RAB11FIP3: variants seen among roughly 807,000 people sequenced by gnomAD.
RAB11FIP3 encodes RAB11 family interacting protein 3, also known as rab11 family-interacting protein 3.
In RAB11FIP3, 17 loss-of-function variants were observed where a neutral mutation model predicts 77.8. That is an observed-to-expected ratio of 0.22 (90% confidence interval 0.15 to 0.33). RAB11FIP3 has a LOEUF of 0.33. Among genes scored for constraint, RAB11FIP3 ranks in the 10% least tolerant of loss-of-function variants. The pLI is 1.00. For missense variants in RAB11FIP3, 1,005 were observed against 1,011.2 expected (o/e 0.99, Z 0.08); for synonymous variants, 437 against 448.2 (o/e 0.98, Z 0.31).
At chr16:462,671 TCCCCGGCACCGTCCCTTCCCCAGTC>T (rs1235552875) in intron 2 of RAB11FIP3, among the ~76,000 whole-genome samples, 10 of 146,770 alleles carry the variant, frequency 6.8e-5, no homozygotes, top group East Asian at 5.9e-4. Context: ...CACCGTCCCT[TCCCCGGCACCGTCCCTTCCCCAGTC>T]CCCCGGCACC....
chr16:501,358 C>G (rs1435470285), intron 6 of RAB11FIP3, among the ~76,000 whole-genome samples: 6 of 151,138 alleles, frequency 4.0e-5, no homozygotes, highest in African/African-American at 1.5e-4. Context: ...AGAGGGTCCC[C>G]CCATTTCATA....
At chr16:503,890 C>T (rs2031666020) in intron 7 of RAB11FIP3, among the ~76,000 whole-genome samples, 1 of 151,324 alleles carries the variant, frequency 6.6e-6, no homozygotes, top group Non-Finnish European at 1.5e-5. Flanking sequence ...ACCTTCTGCA[C>T]CCCCTCACCT....
At chr16:493,687 A>G (rs1596274190) in intron 5 of RAB11FIP3, among the ~76,000 whole-genome samples, 1 of 151,842 alleles carries the variant, frequency 6.6e-6, no homozygotes, top group East Asian at 1.9e-4. Flanking sequence ...GCTCACTGCA[A>G]CCTCTGCCTC....
intron 6 of RAB11FIP3, chr16:502,797 C>T: frequency 1.7e-6 from 1 of 581,740 alleles, no homozygotes; most frequent in East Asian, 3.1e-5. Flanking sequence ...CTGCTTTCTC[C>T]CAGCCCCTGG....
At chr16:496,701 G>C (rs2031165885) in intron 5 of RAB11FIP3, 123 bp from the exon 6 acceptor site, 1 of 938,134 alleles carries the variant, frequency 1.1e-6, no homozygotes, top group Non-Finnish European at 1.7e-6. Flanking sequence ...GGGGGGCCCT[G>C]CATGCCGGGA....
Position 515,643 on chromosome 16 carries a change from C to T in RAB11FIP3, c.1641-3300C>T, listed in dbSNP as rs539388172. 1.1e-4 allele frequency among the ~76,000 whole-genome samples: 16 copies of T among 150,294 alleles called. No homozygotes were observed. The South Asian group carries it at 3.2e-3, about 30-fold the overall frequency. On this transcript the variant is annotated intron_variant, in intron 9 of 13. Coordinates refer to ENST00000262305, the MANE Select transcript of RAB11FIP3 (RefSeq NM_014700.4). ...GGGTTCGCATCTCGGAGCAGCCACACGGGCGACACACACCGGTGTTTGCAT... is the reference window on the plus strand; with the variant it reads ...GGGTTCGCATCTCGGAGCAGCCACATGGGCGACACACACCGGTGTTTGCAT...
chr16:446,317 CTA>C (rs1346405046), intron 1 of RAB11FIP3, among the ~76,000 whole-genome samples: 2 of 152,168 alleles, frequency 1.3e-5, no homozygotes, highest in Admixed American at 1.3e-4. Flanking sequence ...AATTGGTTGT[CTA>C]TGTGAAGCAG....
intron 5 of RAB11FIP3, among the ~76,000 whole-genome samples, chr16:492,242 C>T (rs1052000498): frequency 6.6e-5 from 10 of 152,200 alleles, no homozygotes; most frequent in South Asian, 2.1e-4. Context: ...ACAGGGCCCC[C>T]AGCCAGTGCC....
At chr16:445,124 A>AAAAG (rs1555499508) in intron 1 of RAB11FIP3, among the ~76,000 whole-genome samples, 3 of 138,086 alleles carry the variant, frequency 2.2e-5, no homozygotes, top group Non-Finnish European at 3.1e-5. Context: ...AAAAAAAAAA[A>AAAAG]AAAAAAAGAA....
intron 6 of RAB11FIP3, among the ~76,000 whole-genome samples, chr16:498,102 C>T (rs1242693503): frequency 6.6e-6 from 1 of 152,130 alleles, no homozygotes. Flanking sequence ...ATCTTTCCAC[C>T]TCAGCCTCCC....
In RAB11FIP3 at chr16:498,311, C is replaced by A. The variant is rs534745133; in HGVS notation, c.1301+1452C>A. On this transcript the variant is annotated intron_variant, in intron 6 of 13. Coordinates refer to ENST00000262305, the MANE Select transcript of RAB11FIP3 (RefSeq NM_014700.4). ...ACCTCCTCCTCCTGAGGACCTGGGA[C>A]TACAGGTGCGCATTGCCAATGCCTG... Among the ~76,000 whole-genome samples the A allele has an allele frequency of 1.5e-4, 23 of 152,150 alleles. No homozygotes were observed. In the South Asian group the frequency reaches 3.3e-3, roughly 22 times the overall value.
intron 6 of RAB11FIP3, among the ~76,000 whole-genome samples, chr16:498,299 G>C (rs2031287637): frequency 6.6e-6 from 1 of 151,950 alleles, no homozygotes; most frequent in South Asian, 2.1e-4. Context: ...TCCTCCTCCT[G>C]AGGACCTGGG....
intron 5 of RAB11FIP3, among the ~76,000 whole-genome samples, chr16:492,308 T>C (rs1382828537): frequency 1.5e-5 from 2 of 136,822 alleles, no homozygotes; most frequent in Non-Finnish European, 3.1e-5. Context: ...TTCTGGAGCA[T>C]CGGGGGTCTT....
At chr16:515,525 G>A (rs934401574) in intron 9 of RAB11FIP3, among the ~76,000 whole-genome samples, 10 of 149,296 alleles carry the variant, frequency 6.7e-5, no homozygotes, top group Admixed American at 2.0e-4. Flanking sequence ...CCACACGGGC[G>A]ACACGCACCG....
intron 2 of RAB11FIP3, among the ~76,000 whole-genome samples, chr16:468,111 GGGGCCTC>G (rs2055742157): frequency 2.0e-5 from 1 of 49,494 alleles, no homozygotes. Context: ...AGGAGGTGCT[GGGGCCTC>G]AGGGAGGAGG....
rs575539558 is a variant in RAB11FIP3, at chr16:505,894, G to C, written c.1499+267G>C. 1.3e-5 allele frequency among the ~76,000 whole-genome samples: 2 copies of C among 152,152 alleles called. No individual in the cohort carries two copies. Among genetic ancestry groups the C allele is most frequent in the African/African-American group, 4.8e-5 (2 of 41,438 alleles). Reference sequence around the variant, plus strand: ...AGGGCACTGCCTCCCTCTCGGGAGCGCTGAGACCTGACCCACACAGAGGAG... The same window carrying C: ...AGGGCACTGCCTCCCTCTCGGGAGCCCTGAGACCTGACCCACACAGAGGAG... On this transcript the variant is annotated intron_variant, in intron 8 of 13. Coordinates refer to ENST00000262305, the MANE Select transcript of RAB11FIP3 (RefSeq NM_014700.4). This position sits in a 1 kb window ranked among gnomAD's most constrained non-coding sequence, Gnocchi z 4.0.
intron 1 of RAB11FIP3, among the ~76,000 whole-genome samples, chr16:458,779 T>C (rs904881522): frequency 2.6e-5 from 4 of 152,274 alleles, no homozygotes; most frequent in Non-Finnish European, 5.9e-5. Flanking sequence ...GCCCCCTCTG[T>C]GGCTGAATGC....
At chr16:482,821 G>A in intron 4 of RAB11FIP3, 85 bp downstream of exon 4, 1 of 1,387,280 alleles carries the variant, frequency 7.2e-7, no homozygotes, top group Non-Finnish European at 9.8e-7. Flanking sequence ...TGGGGTCTTG[G>A]AGGAGTGCGT....
At position 521,236 on chromosome 16, in the gene RAB11FIP3, TGTG is replaced by T. The variant is rs1050920794; in HGVS notation, c.*403_*405del. 16 of 224,280 alleles carry T rather than the reference TGTG, an allele frequency of 7.1e-5. No individual in the cohort carries two copies. The highest frequency in any genetic ancestry group is 2.9e-4 in the African/African-American group (13 of 44,882). 13.9% of individuals were successfully genotyped at this position (224,280 alleles called of 1,614,324 possible). A position where few individuals can be genotyped will look rare whatever the true frequency, so the allele number is the denominator to read the frequency against. On this transcript the variant is annotated 3_prime_UTR_variant, in exon 14 of 14. Transcript: ENST00000262305. ...GGGGTGAGCCCTGCTGTGGCCTCCT[TGTG>T]GTGGTCCCTCTTCCCACGTGCAGCC...
Sources: allele counts gnomAD v4.1 joint callset (sites outside exome capture counted in the v4.1 genomes callset), GRCh38; gene constraint gnomAD v4.1.1; non-coding constraint Gnocchi (gnomAD v3.1); transcripts MANE v1.5; gene names NCBI Gene and HGNC (gene_info 2026-07-23, HGNC 2026-07-21).